The following RPA2 variants were observed in gnomAD, a reference collection of about 807,000 sequenced individuals.
RPA2 encodes the protein replication protein A2, also known as replication protein A 32 kDa subunit.
A neutral mutation model predicts 33.4 loss-of-function variants in RPA2; 22 were observed. The observed-to-expected ratio is 0.66, with a 90% CI of 0.47 to 0.94. The LOEUF (loss-of-function observed/expected upper bound fraction) is 0.94. RPA2 is among the 40% of genes least tolerant of loss of function. RPA2 has a pLI of 0.00. For synonymous variants in RPA2, 109 were observed against 114.9 expected, an observed-to-expected ratio of 0.95 and a Z score of 0.33; for missense variants, 279 against 329.9, an observed-to-expected ratio of 0.85 and a Z score of 1.19.
At chr1:27,913,047 A>G (rs2090118611) in intron 2 of RPA2, among the ~76,000 whole-genome samples, 1 of 151,994 alleles carries the variant, frequency 6.6e-6, no homozygotes, top group Non-Finnish European at 1.5e-5. Flanking sequence ...CTGTCTCCAG[A>G]GTTCAAGCGA....
At chr1:27,903,411 T>A (rs1315872650) in intron 4 of RPA2, among the ~76,000 whole-genome samples, 1 of 152,072 alleles carries the variant, frequency 6.6e-6, no homozygotes, top group Admixed American at 6.6e-5. Flanking sequence ...TGTAAATCTT[T>A]ACAGATAACA....
At chr1:27,901,937 TG>T (rs2089972785) in intron 4 of RPA2, among the ~76,000 whole-genome samples, 1 of 151,680 alleles carries the variant, frequency 6.6e-6, no homozygotes, top group Non-Finnish European at 1.5e-5. Context: ...TTCAAGTTCT[TG>T]CAAACAAAAA....
rs1237812706 is a variant in RPA2 at position 27,891,718 on chromosome 1, A to G, written c.*445T>C. On this transcript the variant is annotated 3_prime_UTR_variant, in exon 9 of 9. Coordinates refer to ENST00000373912, the MANE Select transcript of RPA2 (RefSeq NM_002946.5). ...GCAGGAAAGTGCAATTCTGAAAGTA[A>G]TGCCACACAACCAAAGTGGGAAATG... 1.3e-5 allele frequency: 2 copies of G among 155,374 alleles called. No individual in the cohort carries two copies. The highest frequency in any genetic ancestry group is 3.8e-4 in the East Asian group (2 of 5,298). 9.6% of individuals were successfully genotyped at this position (155,374 alleles called of 1,614,324 possible).
At chr1:27,914,685 C>T (rs765839076), upstream of RPA2, 53 of 1,612,478 alleles carry the variant, frequency 3.3e-5, no homozygotes, top group South Asian at 9.9e-5. Context: ...GTACTGCGCT[C>T]CCAGTTGGCT....
intron 2 of RPA2, among the ~76,000 whole-genome samples, chr1:27,908,893 G>C (rs879183945): frequency 2.6e-5 from 4 of 152,140 alleles, no homozygotes; most frequent in Admixed American, 1.3e-4. Context: ...TGAATATGAT[G>C]GGACAGGATT....
chr1:27,899,322 C>G (rs558047626), intron 4 of RPA2, among the ~76,000 whole-genome samples: 2 of 151,886 alleles, frequency 1.3e-5, no homozygotes, highest in East Asian at 3.9e-4. Context: ...GCCTGGCTAA[C>G]AGGGAAACCC....
intron 2 of RPA2, among the ~76,000 whole-genome samples, chr1:27,911,810 C>T (rs1306707454): frequency 2.0e-5 from 3 of 151,942 alleles, no homozygotes; most frequent in Admixed American, 6.6e-5. Flanking sequence ...AGTTATAAAG[C>T]GGCCGGGCAC....
intron 4 of RPA2, among the ~76,000 whole-genome samples, chr1:27,901,819 TG>T (rs1282455753): frequency 6.6e-6 from 1 of 151,732 alleles, no homozygotes; most frequent in Non-Finnish European, 1.5e-5. Flanking sequence ...AGGCTGGTCT[TG>T]AAATTCTGGC....
chr1:27,908,780 G>A (rs2090062975), intron 2 of RPA2, among the ~76,000 whole-genome samples: 2 of 152,302 alleles, frequency 1.3e-5, no homozygotes, highest in East Asian at 3.9e-4. Flanking sequence ...TTATAGGCGT[G>A]AGCCACCGCG....
At chr1:27,910,004 T>A (rs2090078663) in intron 2 of RPA2, among the ~76,000 whole-genome samples, 1 of 152,118 alleles carries the variant, frequency 6.6e-6, no homozygotes, top group South Asian at 2.1e-4. Context: ...TGTTAATATT[T>A]ATAGTCTTAA....
Position 27,897,485 on chromosome 1 carries a change from GAA to G in RPA2, c.408+146_408+147del, listed in dbSNP as rs928874967. On this transcript the variant is annotated intron_variant, in intron 5 of 8. Transcript: ENST00000373912. The stretch of plus-strand genomic sequence containing the variant: ...ATGTTAAGGTTAAAAAAAAAAAAAA[GAA>G]AAGTTATTTCCTTTTGAAGAGAGTA... 158 of 430,552 alleles carry G rather than the reference GAA, an allele frequency of 3.7e-4. No homozygotes were observed. In the South Asian group the frequency reaches 9.4e-3, roughly 26 times the overall value. 26.7% of individuals were successfully genotyped at this position (430,552 alleles called of 1,614,324 possible).
intron 6 of RPA2, among the ~76,000 whole-genome samples, chr1:27,896,196 TTTTC>T (rs1417487274): frequency 1.4e-4 from 21 of 152,278 alleles, no homozygotes; most frequent in South Asian, 4.1e-4. Flanking sequence ...ATATTTTTCT[TTTTC>T]TTTATTTTTT....
intron 2 of RPA2, among the ~76,000 whole-genome samples, chr1:27,910,778 T>C (rs2090086636): frequency 6.6e-6 from 1 of 152,138 alleles, no homozygotes; most frequent in Non-Finnish European, 1.5e-5. Context: ...GAGGATCCCT[T>C]GACCCCTGGA....
chr1:27,912,789 T>C (rs956124223), intron 2 of RPA2, among the ~76,000 whole-genome samples: 6 of 152,152 alleles, frequency 3.9e-5, no homozygotes, highest in African/African-American at 1.4e-4. Flanking sequence ...TAGCCTGTAT[T>C]CTTTGTATAT....
intron 2 of RPA2, among the ~76,000 whole-genome samples, chr1:27,910,716 C>A (rs2090085937): frequency 1.3e-5 from 2 of 152,054 alleles, no homozygotes; most frequent in Admixed American, 1.3e-4. Context: ...CTTTATCACC[C>A]AGGGATGGTG....
chr1:27,898,898 G>T (rs183589889), intron 4 of RPA2, among the ~76,000 whole-genome samples: 1 of 151,996 alleles, frequency 6.6e-6, no homozygotes, highest in Admixed American at 6.6e-5. Context: ...TACATAAAAT[G>T]TATTACTTTA....
intron 2 of RPA2, among the ~76,000 whole-genome samples, chr1:27,912,378 T>TAA (rs77929837): frequency 5.5e-5 from 7 of 126,830 alleles, no homozygotes; most frequent in East Asian, 4.4e-4. Flanking sequence ...ATGCCACCTC[T>TAA]AAAAAAAAAA....
intron 4 of RPA2, among the ~76,000 whole-genome samples, chr1:27,906,386 A>C (rs1465742348): frequency 6.6e-6 from 1 of 151,602 alleles, no homozygotes; most frequent in Non-Finnish European, 1.5e-5. Flanking sequence ...AACCAAACAA[A>C]CAAACAAACA....
At chr1:27,898,457 G>A (rs920654253) in intron 4 of RPA2, among the ~76,000 whole-genome samples, 3 of 151,886 alleles carry the variant, frequency 2.0e-5, no homozygotes, top group South Asian at 2.1e-4. Flanking sequence ...GTTTATAATG[G>A]TTGACTAAGA....
Sources: gnomAD v4.1 joint callset for allele counts (sites outside exome capture counted in the v4.1 genomes callset) on GRCh38, gnomAD v4.1.1 for gene constraint, MANE v1.5 for transcripts, NCBI Gene and HGNC (gene_info 2026-07-23, HGNC 2026-07-21) for gene names.